The following CEP112 variants were observed in gnomAD, a reference collection of about 807,000 sequenced individuals.
CEP112 encodes centrosomal protein of 112 kDa.
Under a neutral mutation model 153.0 loss-of-function variants are expected in CEP112, and 127 were observed. The observed-to-expected ratio is 0.83, with a 90% CI of 0.72 to 0.96. The LOEUF is 0.96. Among genes scored for constraint, CEP112 ranks in the 40% least tolerant of loss-of-function variants. The pLI is 0.00. For missense variants in CEP112, 1,089 were observed against 1,101.2 expected (o/e 0.99, Z 0.16); for synonymous variants, 358 against 374.4 (o/e 0.96, Z 0.51).
At chr17:65,866,255 C>T (rs2058482111) in intron 20 of CEP112, among the ~76,000 whole-genome samples, 1 of 152,214 alleles carries the variant, frequency 6.6e-6, no homozygotes, top group South Asian at 2.1e-4. Context: ...GGTGCTGTTG[C>T]AGCCTGGCCG....
At chr17:65,692,226 T>G (rs939374802) in intron 23 of CEP112, among the ~76,000 whole-genome samples, 1 of 105,642 alleles carries the variant, frequency 9.5e-6, no homozygotes, top group Admixed American at 1.1e-4. Context: ...GCACTGGAAT[T>G]TTTTTTTTTT....
intron 23 of CEP112, among the ~76,000 whole-genome samples, chr17:65,690,113 C>CA (rs67399289): frequency 0.032 from 2,008 of 62,096 alleles, 17 homozygotes; most frequent in East Asian, 0.096. Context: ...GAAAACAGAC[C>CA]AAAAAAAAAA....
chr17:65,937,568 G>A (rs1410946336), intron 18 of CEP112, among the ~76,000 whole-genome samples: 12 of 49,246 alleles, frequency 2.4e-4, no homozygotes, highest in South Asian at 1.4e-3. Context: ...GAGGGAGGTG[G>A]GGGGGGTCAG....
intron 6 of CEP112, among the ~76,000 whole-genome samples, chr17:66,127,629 ACCT>A (rs1172523253): frequency 3.3e-5 from 5 of 151,658 alleles, no homozygotes; most frequent in African/African-American, 1.2e-4. Context: ...CTCCACCCAG[ACCT>A]CCTGACTCTC....
At chr17:66,106,925 C>T (rs997791236) in intron 6 of CEP112, among the ~76,000 whole-genome samples, 16 of 151,836 alleles carry the variant, frequency 1.1e-4, no homozygotes, top group Admixed American at 3.9e-4. Context: ...TTCAACAACA[C>T]ATAAAAAAAA....
chr17:65,859,977 G>A (rs536623739), intron 20 of CEP112, among the ~76,000 whole-genome samples: 40 of 147,934 alleles, frequency 2.7e-4, no homozygotes, highest in Admixed American at 4.7e-4. Flanking sequence ...ATTGCGCCAC[G>A]GCACTGCAGC....
chr17:65,851,621 T>C (rs910842002), intron 21 of CEP112, among the ~76,000 whole-genome samples, 183 bp downstream of exon 21: 19 of 152,186 alleles, frequency 1.2e-4, no homozygotes, highest in Admixed American at 6.5e-4. Flanking sequence ...GGAAATTCCC[T>C]AGATTATTTT....
intron 26 of CEP112, 131 bp downstream of exon 26, chr17:65,636,993 T>TA: frequency 1.4e-6 from 1 of 697,074 alleles, no homozygotes; most frequent in East Asian, 2.7e-5. Flanking sequence ...TGCTACTTAC[T>TA]AAAAACAAGT....
rs762307996 is a variant in CEP112, at chr17:66,176,836, T to C, written c.291A>G (p.Ser97=). 5 of 1,604,764 alleles carry C rather than the reference T, an allele frequency of 3.1e-6. No individual in the cohort carries two copies. The highest frequency in any genetic ancestry group is 1.7e-5 in the Admixed American group (1 of 57,752). ...TTTGTTCATTGATACCTACCATGTA[T>C]GAAGGTAGAATTTTTAGTGTCCCGG... The part of the protein sequence containing the change: ...PEPGTLKILP[S]YMSIYFDEPN... The change falls in exon 3 of 27, where the codon TCA becomes TCG. Residue 97 remains serine (S), a synonymous_variant. Coordinates refer to ENST00000535342, the MANE Select transcript of CEP112 (RefSeq NM_001199165.4).
At position 65,922,330 on chromosome 17, in the gene CEP112, T is replaced by C. The variant is rs535473345; in HGVS notation, c.1980+5252A>G. Among the ~76,000 whole-genome samples the C allele has an allele frequency of 4.2e-4, 64 of 152,200 alleles. 1 individual carries two copies. In the Middle Eastern group the frequency reaches 0.01, roughly 24 times the overall value. On this transcript the variant is annotated intron_variant, in intron 19 of 26. Coordinates refer to ENST00000535342, the MANE Select transcript of CEP112 (RefSeq NM_001199165.4). Reference sequence around the variant, plus strand: ...TAATCTGCTAATTATTTTTATATATTATACATTTATTAATTTTATAAGGAG... The same window carrying C: ...TAATCTGCTAATTATTTTTATATATCATACATTTATTAATTTTATAAGGAG...
At chr17:66,031,473 G>GTTTTTTTTTGT (rs1568405744) in intron 12 of CEP112, among the ~76,000 whole-genome samples, 1 of 120,014 alleles carries the variant, frequency 8.3e-6, no homozygotes, top group Non-Finnish European at 1.7e-5. Flanking sequence ...GTTTTGTTTT[G>GTTTTTTTTTGT]TTTTTTTTTT....
At chr17:65,759,151 CA>C (rs1828456821) in intron 21 of CEP112, among the ~76,000 whole-genome samples, 1 of 152,160 alleles carries the variant, frequency 6.6e-6, no homozygotes, top group South Asian at 2.1e-4. Context: ...AATGCCAAGG[CA>C]ATGCCAGGAA....
At chr17:65,646,388 T>C (rs947250457) in intron 24 of CEP112, among the ~76,000 whole-genome samples, 1 of 152,220 alleles carries the variant, frequency 6.6e-6, no homozygotes, top group African/African-American at 2.4e-5. Flanking sequence ...CTACCCTGAA[T>C]TCTTAAACTC....
At chr17:65,900,295 A>G (rs1387235006) in intron 20 of CEP112, among the ~76,000 whole-genome samples, 1 of 152,208 alleles carries the variant, frequency 6.6e-6, no homozygotes, top group African/African-American at 2.4e-5. Flanking sequence ...TCCAATTAGT[A>G]AAACGTTCCA....
chr17:65,998,692 T>C (rs2063893339), intron 17 of CEP112, among the ~76,000 whole-genome samples: 1 of 151,994 alleles, frequency 6.6e-6, no homozygotes, highest in South Asian at 2.1e-4. Context: ...ATAATACATA[T>C]ATAACAGACA....
chr17:65,652,165 T>A (rs183038684), intron 24 of CEP112, among the ~76,000 whole-genome samples: 2 of 152,332 alleles, frequency 1.3e-5, no homozygotes, highest in East Asian at 3.9e-4. Context: ...CCTGGTAATA[T>A]GAGCTAATAG....
chr17:65,826,579 T>C, intron 21 of CEP112: 3 of 1,267,022 alleles, frequency 2.4e-6, no homozygotes, highest in Non-Finnish European at 3.0e-6. Flanking sequence ...ACACCTTCTT[T>C]GTGATTCTGG....
intron 8 of CEP112, among the ~76,000 whole-genome samples, chr17:66,092,563 C>T (rs2068183850): frequency 6.6e-6 from 1 of 150,634 alleles, no homozygotes; most frequent in Non-Finnish European, 1.5e-5. Context: ...CACAAGAAAA[C>T]AACAAGAAAG....
intron 23 of CEP112, among the ~76,000 whole-genome samples, chr17:65,724,833 G>A (rs982269819): frequency 1.6e-4 from 24 of 152,222 alleles, no homozygotes; most frequent in African/African-American, 5.8e-4. Context: ...GGTAATTCTT[G>A]CCATTTCAGT....
Sources: gnomAD v4.1 joint callset for allele counts (sites outside exome capture counted in the v4.1 genomes callset) on GRCh38, gnomAD v4.1.1 for gene constraint, MANE v1.5 for transcripts, NCBI Gene and HGNC (gene_info 2026-07-23, HGNC 2026-07-21) for gene names.